Variants in CNOT1 observed in about 807,000 individuals in gnomAD.
The protein encoded by CNOT1 is CCR4-NOT transcription complex subunit 1.
In CNOT1, 15 loss-of-function variants were observed where a neutral mutation model predicts 273.8. The ratio of observed to expected loss-of-function variants is 0.05; its 90% CI spans 0.04 to 0.08. The LOEUF is 0.08. Ranked by LOEUF, CNOT1 falls within the 10% of genes least tolerant of loss-of-function variation. The pLI is 1.00. For missense variants in CNOT1, 1,644 were observed against 2,912.2 expected (o/e 0.56, Z 10.02); for synonymous variants, 1,022 against 1,005.5 (o/e 1.02, Z -0.31).
chr16:58,575,418 T>TA (rs2041423422), intron 14 of CNOT1, among the ~76,000 whole-genome samples: 1 of 152,166 alleles, frequency 6.6e-6, no homozygotes, highest in South Asian at 2.1e-4. Flanking sequence ...AAAGCATGAA[T>TA]AATTATCCCT....
At position 58,532,051 on chromosome 16, in the gene CNOT1, A is replaced by G. The variant is rs1343112130; in HGVS notation, c.6084T>C (p.Pro2028=). 6.2e-7 allele frequency: 1 copy of G among 1,614,144 alleles called. No individual in the cohort carries two copies. The highest frequency in any genetic ancestry group is 8.5e-7 in the Non-Finnish European group (1 of 1,180,038). Residue 2028 remains proline (P), a synonymous_variant, in exon 42 of 49, where the codon CCT becomes CCC. Coordinates refer to ENST00000317147, the MANE Select transcript of CNOT1 (RefSeq NM_016284.5). The stretch of plus-strand genomic sequence containing the variant: ...CATATACAAAGCCAGGAGCTTTGGT[A>G]GGCCTCAAGATGTGGAATGTATTGC... ...AFCNTFHILR[P]TKAPGFVYAW...
intron 2 of CNOT1, among the ~76,000 whole-genome samples, chr16:58,593,735 A>T (rs1047371177): frequency 2.0e-5 from 3 of 152,198 alleles, no homozygotes; most frequent in Non-Finnish European, 2.9e-5. Context: ...TCAAAAAGTA[A>T]GTGAGGAAAA....
At chr16:58,570,607 A>C (rs1264024180) in intron 16 of CNOT1, among the ~76,000 whole-genome samples, 1 of 152,240 alleles carries the variant, frequency 6.6e-6, no homozygotes, top group African/African-American at 2.4e-5. Flanking sequence ...AACAGAATGA[A>C]ACCCTGTCTC....
chr16:58,600,575 C>A (rs1465962842), intron 1 of CNOT1, among the ~76,000 whole-genome samples: 1 of 152,092 alleles, frequency 6.6e-6, no homozygotes, highest in Non-Finnish European at 1.5e-5. Flanking sequence ...TATGTTACTG[C>A]TTCAGAATCA....
intron 16 of CNOT1, among the ~76,000 whole-genome samples, chr16:58,567,551 CAAAAAAAA>C (rs35372389): frequency 9.0e-6 from 1 of 111,668 alleles, no homozygotes; most frequent in Non-Finnish European, 1.8e-5. Context: ...GACATCATCT[CAAAAAAAA>C]AAAAAAAAAC....
intron 2 of CNOT1, among the ~76,000 whole-genome samples, chr16:58,590,545 A>G (rs1412052878): frequency 6.6e-6 from 1 of 152,096 alleles, no homozygotes; most frequent in Non-Finnish European, 1.5e-5. Flanking sequence ...CAGTGAGCAG[A>G]GATTGCACCA....
At chr16:58,625,369 G>A (rs548474607) in intron 1 of CNOT1, among the ~76,000 whole-genome samples, 11 of 152,160 alleles carry the variant, frequency 7.2e-5, no homozygotes, top group Admixed American at 1.3e-4. Flanking sequence ...AAAATTAGCC[G>A]GGCATGGCGG....
At chr16:58,596,630 G>A (rs1306726014) in intron 2 of CNOT1, among the ~76,000 whole-genome samples, 1 of 152,106 alleles carries the variant, frequency 6.6e-6, no homozygotes, top group East Asian at 1.9e-4. Context: ...GCTCATGCCT[G>A]TAATCCCAGC....
chr16:58,523,711 C>A, intron 46 of CNOT1: 1 of 430,428 alleles, frequency 2.3e-6, no homozygotes. Flanking sequence ...TAAAAATATT[C>A]ATTTTTAAAA....
At chr16:58,596,181 G>A (rs996466078) in intron 2 of CNOT1, among the ~76,000 whole-genome samples, 1 of 152,190 alleles carries the variant, frequency 6.6e-6, no homozygotes, top group African/African-American at 2.4e-5. Flanking sequence ...GCCCTGAGCT[G>A]AAGGAGCAAT....
Position 58,521,325 on chromosome 16 carries a change from A to G in CNOT1, c.6918-8T>C, listed in dbSNP as rs1567381268. Reference sequence around the variant, plus strand: ...AACCGTTCCAAGAGAACTCTGGAAAAAGGGAGAAAGAGCTAGTTAATGTAT... The same window carrying G: ...AACCGTTCCAAGAGAACTCTGGAAAGAGGGAGAAAGAGCTAGTTAATGTAT... On this transcript the variant is annotated splice_region_variant and splice_polypyrimidine_tract_variant and intron_variant, in intron 47 of 48. Coordinates refer to ENST00000317147, the MANE Select transcript of CNOT1 (RefSeq NM_016284.5). 1 of 1,595,212 alleles carries G rather than the reference A, an allele frequency of 6.3e-7. No individual in the cohort carries two copies. Among genetic ancestry groups the G allele is most frequent in the Admixed American group, 1.9e-5 (1 of 54,018 alleles).
chr16:58,612,634 G>C (rs2042940264), intron 1 of CNOT1, among the ~76,000 whole-genome samples: 1 of 152,160 alleles, frequency 6.6e-6, no homozygotes, highest in African/African-American at 2.4e-5. Context: ...AGCTACTCAG[G>C]AGGCTGAGGC....
At position 58,520,063 on chromosome 16, in the gene CNOT1, A is replaced by AAAAC. The variant is rs765852116; in HGVS notation, c.*891_*894dup. The stretch of plus-strand genomic sequence containing the variant: ...ACAACACAGGGACCAATACATTTGC[A>AAAAC]AAACATTCAAAATCCTTATAAAAGG... On this transcript the variant is annotated 3_prime_UTR_variant, in exon 49 of 49. Coordinates refer to ENST00000317147, the MANE Select transcript of CNOT1 (RefSeq NM_016284.5). 1.3e-5 allele frequency: 2 copies of AAAAC among 152,266 alleles called. No individual in the cohort carries two copies. Among genetic ancestry groups the AAAAC allele is most frequent in the Non-Finnish European group, 2.9e-5 (2 of 68,054 alleles). 9.4% of individuals were successfully genotyped at this position (152,266 alleles called of 1,614,324 possible). A position where few individuals can be genotyped will look rare whatever the true frequency, so the allele number is the denominator to read the frequency against.
intron 25 of CNOT1, among the ~76,000 whole-genome samples, chr16:58,549,224 C>G (rs1478649193): frequency 6.7e-6 from 1 of 149,290 alleles, no homozygotes; most frequent in Non-Finnish European, 1.5e-5. Flanking sequence ...GAGGTGGAGG[C>G]TGCAGTGAGC....
At chr16:58,543,307 T>C (rs576115448) in intron 31 of CNOT1, 4 of 1,548,206 alleles carry the variant, frequency 2.6e-6, no homozygotes, top group Non-Finnish European at 3.5e-6. Flanking sequence ...TTAACAGAAA[T>C]GAGATTGTCA....
intron 38 of CNOT1, 142 bp from the exon 39 acceptor site, chr16:58,537,362 C>T: frequency 7.9e-7 from 1 of 1,267,820 alleles, no homozygotes; most frequent in Non-Finnish European, 1.1e-6. Flanking sequence ...TGAAACAAAA[C>T]TATACTTAGT....
chr16:58,629,246 A>T (rs1015689665), intron 1 of CNOT1, among the ~76,000 whole-genome samples: 5 of 152,222 alleles, frequency 3.3e-5, no homozygotes, highest in Non-Finnish European at 7.3e-5. Context: ...GGAAACATGC[A>T]AAAACTCCAA....
intron 16 of CNOT1, among the ~76,000 whole-genome samples, chr16:58,569,514 G>T (rs951156257): frequency 2.7e-4 from 39 of 145,714 alleles, no homozygotes; most frequent in Middle Eastern, 3.4e-3. Flanking sequence ...ATAGAAATTA[G>T]CAAAAAAAAA....
intron 16 of CNOT1, among the ~76,000 whole-genome samples, chr16:58,565,064 C>T (rs925513918): frequency 2.0e-5 from 3 of 152,190 alleles, no homozygotes; most frequent in South Asian, 2.1e-4. Flanking sequence ...CTATACTTTT[C>T]GCCCTGAAGC....
Sources: gnomAD v4.1 joint callset for allele counts (sites outside exome capture counted in the v4.1 genomes callset) on GRCh38, gnomAD v4.1.1 for gene constraint, MANE v1.5 for transcripts, NCBI Gene and HGNC (gene_info 2026-07-23, HGNC 2026-07-21) for gene names.